The following KLHL32 variants were observed in gnomAD, a reference collection of about 807,000 sequenced individuals.
KLHL32 encodes kelch-like protein 32.
A neutral mutation model predicts 64.8 loss-of-function variants in KLHL32; 35 were observed. The observed-to-expected ratio is 0.54, with a 90% CI of 0.41 to 0.72. The LOEUF is 0.72. Ranked by LOEUF, KLHL32 falls within the 30% of genes least tolerant of loss-of-function variation. The pLI is 0.00. For synonymous variants in KLHL32, 259 were observed against 281.0 expected (o/e 0.92, Z 0.78); for missense variants, 589 against 768.5 (o/e 0.77, Z 2.76).
chr6:96,961,634 T>C (rs1049520124), intron 1 of KLHL32, among the ~76,000 whole-genome samples: 1 of 152,028 alleles, frequency 6.6e-6, no homozygotes, highest in Non-Finnish European at 1.5e-5. Flanking sequence ...TCTCTGAAAA[T>C]AGGGCTTGGA....
intron 3 of KLHL32, among the ~76,000 whole-genome samples, chr6:96,995,039 A>G (rs974691475): frequency 1.1e-4 from 16 of 152,198 alleles, no homozygotes; most frequent in African/African-American, 3.9e-4. Context: ...TTCTATGAAC[A>G]TAGCCAAATC....
At chr6:97,074,631 AT>A (rs1791305156) in intron 5 of KLHL32, among the ~76,000 whole-genome samples, 1 of 151,272 alleles carries the variant, frequency 6.6e-6, no homozygotes, top group Non-Finnish European at 1.5e-5. Flanking sequence ...AAACTACTTT[AT>A]TAAGTTATGA....
rs1799371604 is a variant in KLHL32 at position 97,130,911 on chromosome 6, C to T, written c.1568C>T (p.Thr523Ile). 1 of 1,613,996 alleles carries T rather than the reference C, an allele frequency of 6.2e-7. No individual in the cohort carries two copies. Among genetic ancestry groups the T allele is most frequent in the Non-Finnish European group, 8.5e-7 (1 of 1,179,934 alleles). Residue 523 changes from threonine to isoleucine, a missense_variant, in exon 9 of 11, where the codon ACT (threonine) becomes ATT (isoleucine). Thr to Ile is a moderately conservative substitution (Grantham distance 89, BLOSUM62 -1). Transcript: ENST00000369261. The part of the protein sequence containing the change: ...VRHIDSYNID[T>I]DQWTRCNFNL... ...CATATAGATTCTTACAACATAGACA[C>T]TGACCAGTGGACACGTTGTAATTTC...
intron 5 of KLHL32, among the ~76,000 whole-genome samples, chr6:97,066,670 C>T (rs551886122): frequency 1.8e-4 from 28 of 152,184 alleles, no homozygotes; most frequent in Middle Eastern, 3.4e-3. Context: ...AAAATCATGT[C>T]GACGTAGAAA....
At chr6:97,039,688 CGG>C (rs1784841035) in intron 3 of KLHL32, among the ~76,000 whole-genome samples, 1 of 114,350 alleles carries the variant, frequency 8.7e-6, no homozygotes, top group Admixed American at 7.9e-5. Context: ...GGAGTGGTGG[CGG>C]GCACCTATAG....
chr6:97,034,041 C>A (rs1482452844), intron 3 of KLHL32, among the ~76,000 whole-genome samples: 1 of 151,908 alleles, frequency 6.6e-6, no homozygotes, highest in African/African-American at 2.4e-5. Flanking sequence ...TTGATGCAAG[C>A]CCACTTATTT....
intron 3 of KLHL32, among the ~76,000 whole-genome samples, chr6:96,980,012 G>T (rs1404968328): frequency 6.6e-6 from 1 of 151,978 alleles, no homozygotes; most frequent in Non-Finnish European, 1.5e-5. Context: ...AATTGATTTT[G>T]TATCCTGAAA....
At chr6:96,899,099 A>T in the KLHL32 span, among the ~76,000 whole-genome samples, 2 of 152,232 alleles carry the variant, frequency 1.3e-5, no homozygotes, top group Non-Finnish European at 2.9e-5. Flanking sequence ...TCAGAGCAAA[A>T]GCACTGCAAG....
the KLHL32 span, among the ~76,000 whole-genome samples, chr6:96,905,929 G>A: frequency 6.6e-6 from 1 of 152,220 alleles, no homozygotes; most frequent in Non-Finnish European, 1.5e-5. Flanking sequence ...AGTATATGAA[G>A]TGTCCTTGCT....
chr6:96,967,055 T>A lies in KLHL32; in HGVS notation c.-6T>A. 1 of 1,613,766 alleles carries A rather than the reference T, an allele frequency of 6.2e-7. No homozygotes were observed. Among genetic ancestry groups the A allele is most frequent in the Non-Finnish European group, 8.5e-7 (1 of 1,179,786 alleles). The stretch of plus-strand genomic sequence containing the variant: ...AGGCTGAGAACCTGAGGAACCCAGC[T>A]GGAAAATGCCGTCTGAACGCTGCCT... On this transcript the variant is annotated 5_prime_UTR_variant, in exon 2 of 11. Coordinates refer to ENST00000369261, the MANE Select transcript of KLHL32 (RefSeq NM_052904.4).
At chr6:96,959,115 T>C (rs1014486984) in intron 1 of KLHL32, among the ~76,000 whole-genome samples, 2 of 152,114 alleles carry the variant, frequency 1.3e-5, no homozygotes, top group Admixed American at 6.5e-5. Context: ...TGAGCGCTGA[T>C]TGGAAAATTG....
At chr6:97,039,089 C>CAAA (rs535614966) in intron 3 of KLHL32, among the ~76,000 whole-genome samples, 8 of 75,060 alleles carry the variant, frequency 1.1e-4, no homozygotes, top group African/African-American at 2.6e-4. Flanking sequence ...GACTCTGTCT[C>CAAA]AAAAAAAAAA....
rs57457444 is a variant in KLHL32 at position 96,924,801 on chromosome 6, GCACA to G, written c.-259_-256del. The G allele has an allele frequency of 0.26, 38,327 of 148,702 alleles. 4,947 individuals are homozygous for G. Among genetic ancestry groups the G allele is most frequent in the South Asian group, 0.37 (1,710 of 4,666 alleles). 9.2% of individuals were successfully genotyped at this position (148,702 alleles called of 1,614,324 possible). Reference sequence around the variant, plus strand: ...CAGTCGCGCGCACACACGCACGCAGGCACACACACACACACACACACACACACAC... The same window carrying G: ...CAGTCGCGCGCACACACGCACGCAGGCACACACACACACACACACACACAC... On this transcript the variant is annotated 5_prime_UTR_variant, in exon 1 of 11. Transcript: ENST00000369261.
upstream of KLHL32, among the ~76,000 whole-genome samples, chr6:96,920,324 C>T (rs544803120): frequency 5.3e-5 from 8 of 152,278 alleles, no homozygotes; most frequent in African/African-American, 1.7e-4. Context: ...TGTTAGTTTT[C>T]CTTTCCATGG....
the KLHL32 span, among the ~76,000 whole-genome samples, chr6:96,914,495 T>A: frequency 1.6e-4 from 24 of 152,238 alleles, no homozygotes; most frequent in African/African-American, 5.5e-4. Context: ...ACCAAATAGA[T>A]TATGCTTTGT....
rs117718062 is a variant in KLHL32 at position 97,018,361 on chromosome 6, C to T, written c.205-23131C>T. ...GGCCAGGCACGGACACCAAGGCAGG[C>T]GGATCGCCTGAGGTCAGTAGTTTGA... On this transcript the variant is annotated intron_variant, in intron 3 of 10. Coordinates refer to ENST00000369261, the MANE Select transcript of KLHL32 (RefSeq NM_052904.4). Among the ~76,000 whole-genome samples, 643 of 150,878 alleles carry T rather than the reference C, an allele frequency of 4.3e-3. 9 individuals are homozygous for T. In the East Asian group the frequency reaches 0.044, roughly 10 times the overall value.
Position 97,130,752 on chromosome 6 carries a change from T to C in KLHL32, c.1414-5T>C. ...AACAGAATACACTTAAATTTCTTTTTTCAGAATAAGTGGATAAGCCGTAGC... is the reference window on the plus strand; with the variant it reads ...AACAGAATACACTTAAATTTCTTTTCTCAGAATAAGTGGATAAGCCGTAGC... On this transcript the variant is annotated splice_region_variant and splice_polypyrimidine_tract_variant and intron_variant, in intron 8 of 10. Transcript: ENST00000369261. 4 of 1,596,934 alleles carry C rather than the reference T, an allele frequency of 2.5e-6. No homozygotes were observed. Among genetic ancestry groups the C allele is most frequent in the Non-Finnish European group, 3.4e-6 (4 of 1,172,008 alleles).
At chr6:96,984,025 A>T (rs1210353329) in intron 3 of KLHL32, among the ~76,000 whole-genome samples, 1 of 152,184 alleles carries the variant, frequency 6.6e-6, no homozygotes, top group African/African-American at 2.4e-5. Context: ...TTAGTGGTAT[A>T]AATTTCCCTC....
intron 1 of KLHL32, among the ~76,000 whole-genome samples, chr6:96,932,517 G>A (rs892340045): frequency 1.4e-5 from 2 of 147,968 alleles, no homozygotes; most frequent in African/African-American, 2.5e-5. Flanking sequence ...AGGGTTTTCT[G>A]ATGTTTCCCT....
Sources: gnomAD v4.1 joint callset for allele counts (sites outside exome capture counted in the v4.1 genomes callset) on GRCh38, gnomAD v4.1.1 for gene constraint, MANE v1.5 for transcripts, NCBI Gene and HGNC (gene_info 2026-07-23, HGNC 2026-07-21) for gene names.